Variants in TMOD1 observed in about 807,000 individuals in gnomAD.
TMOD1 encodes the protein tropomodulin 1.
In TMOD1, 17 loss-of-function variants were observed where a neutral mutation model predicts 40.6. That is an observed-to-expected ratio of 0.42 (90% CI 0.29 to 0.63). The LOEUF (loss-of-function observed/expected upper bound fraction) is 0.63, where lower values mean the gene tolerates loss of function less well. Ranked by LOEUF, TMOD1 falls within the 20% of genes least tolerant of loss-of-function variation. The probability of loss-of-function intolerance (pLI) is 0.22; values close to 1 mark genes in which losing one functional copy is unlikely to be tolerated. For missense variants in TMOD1, 391 were observed against 447.6 expected (o/e 0.87, Z 1.14); for synonymous variants, 181 against 175.0 (o/e 1.03, Z -0.27).
chr9:97,508,308 C>A (rs1230486790), intron 1 of TMOD1, among the ~76,000 whole-genome samples: 1 of 152,090 alleles, frequency 6.6e-6, no homozygotes, highest in African/African-American at 2.4e-5. Context: ...CCTATCTCAG[C>A]CTCCCGAGTA....
At chr9:97,519,348 G>A (rs1829879429) in intron 1 of TMOD1, among the ~76,000 whole-genome samples, 1 of 152,206 alleles carries the variant, frequency 6.6e-6, no homozygotes, top group South Asian at 2.1e-4. Flanking sequence ...GAGGCTTAAG[G>A]CTTCTGCCAC....
Position 97,564,122 on chromosome 9 carries a change from A to C in TMOD1, c.572A>C (p.Lys191Thr), listed in dbSNP as rs1427400727. The change falls in exon 6 of 10, where the codon AAG (lysine) becomes ACG (threonine). Residue 191 changes from lysine to threonine, a missense_variant. Lys to Thr is a moderately conservative substitution (Grantham distance 78). Coordinates refer to ENST00000259365, the MANE Select transcript of TMOD1 (RefSeq NM_003275.4). ...TDVEETLERI[K>T]NNDPKLEEVN... is the part of the protein sequence containing the mutation. Reference sequence around the variant, plus strand: ...GTAGAGGAAACGCTGGAACGGATAAAGAACAACGACCCAAAACTTGAAGAA... The same window carrying C: ...GTAGAGGAAACGCTGGAACGGATAACGAACAACGACCCAAAACTTGAAGAA... 2 of 1,613,632 alleles carry C rather than the reference A, an allele frequency of 1.2e-6. No homozygotes were observed. The highest frequency in any genetic ancestry group is 1.3e-5 in the African/African-American group (1 of 74,932).
chr9:97,545,898 C>T (rs1215554376), intron 2 of TMOD1, among the ~76,000 whole-genome samples: 1 of 152,186 alleles, frequency 6.6e-6, no homozygotes. Context: ...CCCTCACCTC[C>T]TCTCCTTCAA....
At chr9:97,542,690 T>C (rs1830291643) in intron 2 of TMOD1, among the ~76,000 whole-genome samples, 1 of 151,864 alleles carries the variant, frequency 6.6e-6, no homozygotes, top group Admixed American at 6.6e-5. Flanking sequence ...CCGCCTCTAC[T>C]AGAAATACAA....
At chr9:97,528,908 G>A (rs551457960) in intron 2 of TMOD1, among the ~76,000 whole-genome samples, 2 of 152,370 alleles carry the variant, frequency 1.3e-5, no homozygotes, top group African/African-American at 2.4e-5. Context: ...ACTATGTGCA[G>A]GTGCTGTTCT....
intron 1 of TMOD1, 77 bp from the exon 2 acceptor site, chr9:97,524,064 G>A (rs1208315970): frequency 9.0e-7 from 1 of 1,106,172 alleles, no homozygotes; most frequent in Non-Finnish European, 1.3e-6. Context: ...AGGCCGCTGT[G>A]TGAACGATGA....
rs56669574 is a variant in TMOD1, at chr9:97,508,057, T to TCACA, written c.-49+6299_-49+6302dup. On this transcript the variant is annotated intron_variant, in intron 1 of 9. Transcript: ENST00000259365. The stretch of plus-strand genomic sequence containing the variant: ...ATGAAACACAATCTATCTTCCTGAT[T>TCACA]CACACACACACACACACACACACAC... Among the ~76,000 whole-genome samples, 748 of 132,056 alleles carry TCACA rather than the reference T, an allele frequency of 5.7e-3. 5 individuals are homozygous for TCACA. The highest frequency in any genetic ancestry group is 0.014 in the East Asian group (61 of 4,416). 86.6% of individuals were successfully genotyped at this position (132,056 alleles called of 152,430 possible).
At position 97,586,606 on chromosome 9, in the gene TMOD1, C is replaced by T. The variant is rs1208105818; in HGVS notation, c.871-4685C>T. On this transcript the variant is annotated intron_variant, in intron 8 of 9. Transcript: ENST00000259365. ...ATGGCGGGCGCCCCTCCCCCAGCCT[C>T]GCTGCCGCCTTGCAGTTTGATCTCA... Among the ~76,000 whole-genome samples, 8 of 151,926 alleles carry T rather than the reference C, an allele frequency of 5.3e-5. No homozygotes were observed. The South Asian group carries it at 1.2e-3, about 24-fold the overall frequency.
Position 97,600,118 on chromosome 9 carries a change from G to A in TMOD1, c.*420G>A, listed in dbSNP as rs1293591581. On this transcript the variant is annotated 3_prime_UTR_variant, in exon 10 of 10. Coordinates refer to ENST00000259365, the MANE Select transcript of TMOD1 (RefSeq NM_003275.4). The stretch of plus-strand genomic sequence containing the variant: ...TTATAAAACACTTTATTACAAATTT[G>A]TCTTAGCTATTAGCAAATAAAACTG... 7.0e-6 allele frequency: 7 copies of A among 1,004,114 alleles called. No individual in the cohort carries two copies. In the African/African-American group the frequency reaches 1.0e-4, roughly 15 times the overall value. The allele number at this position is 1,004,114 out of a possible 1,614,324, so 62.2% of individuals were successfully genotyped here. A position where few individuals can be genotyped will look rare whatever the true frequency, so the allele number is the denominator to read the frequency against.
chr9:97,544,972 G>A (rs1337122942), intron 2 of TMOD1, among the ~76,000 whole-genome samples: 1 of 148,366 alleles, frequency 6.7e-6, no homozygotes, highest in Non-Finnish European at 1.5e-5. Flanking sequence ...TTGCGCCACT[G>A]CATTCCAGCC....
chr9:97,589,375 G>A (rs369948251), intron 8 of TMOD1, among the ~76,000 whole-genome samples: 1 of 149,278 alleles, frequency 6.7e-6, no homozygotes, highest in Admixed American at 6.7e-5. Context: ...CTGCCTCCCG[G>A]GTTCTCCTGC....
intron 8 of TMOD1, among the ~76,000 whole-genome samples, chr9:97,570,391 C>G (rs1030965739): frequency 6.6e-6 from 1 of 152,226 alleles, no homozygotes. Flanking sequence ...CAGCTTGAAC[C>G]AGCTTGCAAG....
At chr9:97,599,553 TCA>T (rs1826204280) in intron 9 of TMOD1, 79 bp from the exon 10 acceptor site, 3 of 1,581,722 alleles carry the variant, frequency 1.9e-6, no homozygotes, top group Non-Finnish European at 2.6e-6. Context: ...GTGCGAGGTT[TCA>T]CAGTGCTTTC....
At chr9:97,501,511 C>CG (rs1564223629), upstream of TMOD1, 1 of 150,746 alleles carries the variant, frequency 6.6e-6, no homozygotes, top group Non-Finnish European at 1.5e-5. Flanking sequence ...CGCGTCCCGA[C>CG]GGGGAAGTGC....
chr9:97,553,553 C>A (rs1234939564), intron 4 of TMOD1, among the ~76,000 whole-genome samples, 153 bp downstream of exon 4: 2 of 152,150 alleles, frequency 1.3e-5, no homozygotes, highest in Non-Finnish European at 2.9e-5. Context: ...AATCCATTCT[C>A]AAAAACCAAA....
chr9:97,520,434 C>T (rs1829896685), intron 1 of TMOD1, among the ~76,000 whole-genome samples: 1 of 152,154 alleles, frequency 6.6e-6, no homozygotes, highest in Non-Finnish European at 1.5e-5. Context: ...CTGTTTTCGC[C>T]TCCCTCCCAC....
chr9:97,524,317 G>T lies in TMOD1; in HGVS notation c.120+9G>T. Reference sequence around the variant, plus strand: ...ATGAGCTGGACCCTGATGTGAGTAGGTGCTAAAGGGAAGCACATTGTCACT... The same window carrying T: ...ATGAGCTGGACCCTGATGTGAGTAGTTGCTAAAGGGAAGCACATTGTCACT... On this transcript the variant is annotated intron_variant, in intron 2 of 9. Transcript: ENST00000259365. The T allele has an allele frequency of 6.2e-7, 1 of 1,612,714 alleles. No homozygotes were observed. The highest frequency in any genetic ancestry group is 8.5e-7 in the Non-Finnish European group (1 of 1,179,508).
rs995083387 is a variant in TMOD1, at chr9:97,546,349, A to G, written c.277+8A>G. 3 of 1,612,142 alleles carry G rather than the reference A, an allele frequency of 1.9e-6. No homozygotes were observed. In the African/African-American group the frequency reaches 4.0e-5, roughly 22 times the overall value. ...ACACAGGGGAAAAACGAGGTACTGA[A>G]CAATGTTACTGTTATAATATGCCAC... On this transcript the variant is annotated splice_region_variant and intron_variant, in intron 3 of 9. Transcript: ENST00000259365.
chr9:97,555,608 C>T (rs1830525460), intron 4 of TMOD1: 1 of 1,550,348 alleles, frequency 6.5e-7, no homozygotes, highest in Non-Finnish European at 8.7e-7. Flanking sequence ...AACTGGCTAA[C>T]CTTGGATGCC....
Sources: gnomAD v4.1 joint callset for allele counts (sites outside exome capture counted in the v4.1 genomes callset) on GRCh38, gnomAD v4.1.1 for gene constraint, MANE v1.5 for transcripts, NCBI Gene and HGNC (gene_info 2026-07-23, HGNC 2026-07-21) for gene names.